SSH1: variants seen among roughly 807,000 people sequenced by gnomAD.
The protein encoded by SSH1 is slingshot protein phosphatase 1, also known as protein phosphatase Slingshot homolog 1.
In SSH1, 43 loss-of-function variants were observed where a neutral mutation model predicts 79.7. The observed-to-expected ratio is 0.54, with a 90% CI of 0.42 to 0.70. The LOEUF (loss-of-function observed/expected upper bound fraction) is 0.70, where lower values mean the gene tolerates loss of function less well. Ranked by LOEUF, SSH1 falls within the 30% of genes least tolerant of loss-of-function variation. The pLI is 0.00. For synonymous variants in SSH1, 599 were observed against 538.3 expected (o/e 1.11, Z -1.56); for missense variants, 1,206 against 1,358.8 (o/e 0.89, Z 1.77).
Position 108,789,259 on chromosome 12 carries a change from A to C in SSH1, c.1894-15T>G. On this transcript the variant is annotated splice_polypyrimidine_tract_variant and intron_variant, in intron 14 of 14. Coordinates refer to ENST00000326495, the MANE Select transcript of SSH1 (RefSeq NM_018984.4). Reference sequence around the variant, plus strand: ...ATAGCATCATCCTGCAAGGAAGGGGACAAGAGCATGGTGAGACGGTGCAGT... The same window carrying C: ...ATAGCATCATCCTGCAAGGAAGGGGCCAAGAGCATGGTGAGACGGTGCAGT... 1 of 1,583,758 alleles carries C rather than the reference A, an allele frequency of 6.3e-7. No homozygotes were observed. The highest frequency in any genetic ancestry group is 1.1e-5 in the South Asian group (1 of 87,014).
intron 2 of SSH1, among the ~76,000 whole-genome samples, chr12:108,842,731 G>A (rs1166317140): frequency 6.6e-6 from 1 of 152,204 alleles, no homozygotes; most frequent in East Asian, 1.9e-4. Flanking sequence ...ATAGGGAGGA[G>A]GAAAAGACAG....
chr12:108,845,557 T>C (rs1225344003), intron 2 of SSH1, among the ~76,000 whole-genome samples: 2 of 152,102 alleles, frequency 1.3e-5, no homozygotes, highest in African/African-American at 4.8e-5. Flanking sequence ...TGTGGTGGTA[T>C]GCGCCTGTAA....
In SSH1 at chr12:108,807,755, A is replaced by G. The variant is rs1454392297; in HGVS notation, c.609T>C (p.Ala203=). 6.2e-7 allele frequency: 1 copy of G among 1,613,454 alleles called. No homozygotes were observed. The highest frequency in any genetic ancestry group is 1.1e-5 in the South Asian group (1 of 91,054). ...RRHNYFPGGV[A]LIWATYYESC... ...TCTCATAGTAGGTAGCCCAGATGAG[A>G]GCTACACCCCCGGGGAAGTAGTTGT... The change falls in exon 8 of 15, where the codon GCT becomes GCC. Residue 203 remains alanine, a synonymous_variant. Transcript: ENST00000326495. The surrounding 1 kb of genome is among the most constrained non-coding windows in gnomAD (Gnocchi z 5.2).
intron 4 of SSH1, among the ~76,000 whole-genome samples, chr12:108,818,010 G>A (rs547007702): frequency 6.6e-6 from 1 of 152,194 alleles, no homozygotes; most frequent in South Asian, 2.1e-4. Flanking sequence ...GACCAGCCTG[G>A]GCAAAATAGC....
In SSH1 at chr12:108,781,767, G is replaced by T. The variant is rs1455547302; in HGVS notation, c.*6221C>A. The T allele has an allele frequency of 1.3e-5, 2 of 152,158 alleles. No homozygotes were observed. The allele number at this position is 152,158 out of a possible 1,614,324, so 9.4% of individuals were successfully genotyped here. A position where few individuals can be genotyped will look rare whatever the true frequency, so the allele number is the denominator to read the frequency against. ...CGCATCCAGACAGAGGAGACTGAGT[G>T]AATGTGACTCCTCCCTGACTACACA... On this transcript the variant is annotated 3_prime_UTR_variant, in exon 15 of 15. Coordinates refer to ENST00000326495, the MANE Select transcript of SSH1 (RefSeq NM_018984.4).
chr12:108,831,807 A>G (rs1158127804), intron 2 of SSH1, among the ~76,000 whole-genome samples: 2 of 152,220 alleles, frequency 1.3e-5, no homozygotes, highest in Admixed American at 1.3e-4. Context: ...TGTGCTTTAT[A>G]TATCAGTTCC....
rs1470096001 is a variant in SSH1 at position 108,783,809 on chromosome 12, A to G, written c.*4179T>C. The G allele has an allele frequency of 6.6e-6, 1 of 152,266 alleles. No homozygotes were observed. Among genetic ancestry groups the G allele is most frequent in the African/African-American group, 2.4e-5 (1 of 41,454 alleles). The allele number at this position is 152,266 out of a possible 1,614,324, so 9.4% of individuals were successfully genotyped here. A position where few individuals can be genotyped will look rare whatever the true frequency, so the allele number is the denominator to read the frequency against. ...CTGCAGAGCAGATGATAACAAAACA[A>G]GTGGCTGGGGACAGGGGTCATTCAA... is the stretch of plus-strand genomic sequence containing the variant. On this transcript the variant is annotated 3_prime_UTR_variant, in exon 15 of 15. Coordinates refer to ENST00000326495, the MANE Select transcript of SSH1 (RefSeq NM_018984.4).
intron 6 of SSH1, among the ~76,000 whole-genome samples, chr12:108,810,503 C>A (rs372136457): frequency 3.3e-4 from 50 of 152,016 alleles, no homozygotes; most frequent in African/African-American, 1.1e-3. Flanking sequence ...CCCAGGGTGA[C>A]AGAGTGAGAC....
chr12:108,809,557 TTA>T, intron 7 of SSH1, 134 bp downstream of exon 7: 1 of 774,798 alleles, frequency 1.3e-6, no homozygotes, highest in South Asian at 1.4e-5. Context: ...ATGATAAACT[TTA>T]TGTTACATGT....
In SSH1 at chr12:108,784,288, A is replaced by G. The variant is rs2036211510; in HGVS notation, c.*3700T>C. ...CAAGCTCAGCTCCACACTGCTGCAA[A>G]CTCTGGACTTCTCCAGGGGAAAAGG... is the stretch of plus-strand genomic sequence containing the variant. On this transcript the variant is annotated 3_prime_UTR_variant, in exon 15 of 15. Transcript: ENST00000326495. 1 of 152,242 alleles carries G rather than the reference A, an allele frequency of 6.6e-6. No homozygotes were observed. The allele number at this position is 152,242 out of a possible 1,614,324, so 9.4% of individuals were successfully genotyped here. A position where few individuals can be genotyped will look rare whatever the true frequency, so the allele number is the denominator to read the frequency against.
At position 108,789,194 on chromosome 12, in the gene SSH1, G is replaced by C; in HGVS notation, c.1944C>G (p.Ser648=). ...CTGTAGGGTACATGCAGTCGGCACA[G>C]GATTTATAGGAAGGCTTCACTTTGT... ...ILNKVKPSYK[S]CADCMYPTAS... The change falls in exon 15 of 15, where the codon TCC becomes TCG. Residue 648 remains serine, a synonymous_variant. Transcript: ENST00000326495. 1 of 1,607,696 alleles carries C rather than the reference G, an allele frequency of 6.2e-7. No individual in the cohort carries two copies. The highest frequency in any genetic ancestry group is 8.5e-7 in the Non-Finnish European group (1 of 1,176,888).
chr12:108,817,185 C>T, intron 4 of SSH1, 26 bp from the exon 5 acceptor site: 1 of 1,612,466 alleles, frequency 6.2e-7, no homozygotes, highest in Non-Finnish European at 8.5e-7. Context: ...CATGCTCTCA[C>T]TAACCTGCCT....
In SSH1 at chr12:108,782,590, C is replaced by A. The variant is rs1403322492; in HGVS notation, c.*5398G>T. On this transcript the variant is annotated 3_prime_UTR_variant, in exon 15 of 15. Transcript: ENST00000326495. Reference sequence around the variant, plus strand: ...AAGAACTGAGCATGTAATAGATGCTCAATAAAGACTGGCCATGTCAATGAC... The same window carrying A: ...AAGAACTGAGCATGTAATAGATGCTAAATAAAGACTGGCCATGTCAATGAC... The A allele has an allele frequency of 1.3e-5, 2 of 152,030 alleles. No homozygotes were observed. Among genetic ancestry groups the A allele is most frequent in the Admixed American group, 6.6e-5 (1 of 15,256 alleles). 9.4% of individuals were successfully genotyped at this position (152,030 alleles called of 1,614,324 possible).
intron 1 of SSH1, among the ~76,000 whole-genome samples, chr12:108,855,366 CTAACGGG>C (rs1386403982): frequency 6.6e-6 from 1 of 152,080 alleles, no homozygotes; most frequent in Non-Finnish European, 1.5e-5. Flanking sequence ...CAGGTGAGGG[CTAACGGG>C]TACAGGGTTC....
rs2036348921 is a variant in SSH1, at chr12:108,788,267, C to T, written c.2871G>A (p.Glu957=). 1.9e-6 allele frequency: 3 copies of T among 1,613,818 alleles called. No homozygotes were observed. Among genetic ancestry groups the T allele is most frequent in the Non-Finnish European group, 8.5e-7 (1 of 1,180,008 alleles). Residue 957 remains glutamate (E), a synonymous_variant, in exon 15 of 15, where the codon GAG becomes GAA. Transcript: ENST00000326495. ...KPGLVKQRTQ[E]IETRLRLAGL... is the part of the protein sequence containing the mutation. ...CCGCCAGCCGGAGCCGGGTCTCAAT[C>T]TCCTGTGTCCGCTGCTTCACCAGCC... is the stretch of plus-strand genomic sequence containing the variant.
chr12:108,833,694 C>T (rs932575078), intron 2 of SSH1: 1 of 152,256 alleles, frequency 6.6e-6, no homozygotes, highest in African/African-American at 2.4e-5. Context: ...GTATTCTCTA[C>T]CCACTCTCTG....
At chr12:108,809,784 G>A (rs977560463) in intron 6 of SSH1, 26 bp from the exon 7 acceptor site, 17 of 1,596,528 alleles carry the variant, frequency 1.1e-5, no homozygotes, top group Non-Finnish European at 1.5e-5. Flanking sequence ...AGAGAGAAAG[G>A]TATCTGTGGT....
At chr12:108,800,606 G>T (rs903058793) in intron 12 of SSH1, among the ~76,000 whole-genome samples, 174 bp downstream of exon 12, 8 of 150,032 alleles carry the variant, frequency 5.3e-5, no homozygotes, top group African/African-American at 2.0e-4. Context: ...GCGACTAAAA[G>T]CAAAGGTCCA....
intron 5 of SSH1, among the ~76,000 whole-genome samples, chr12:108,813,712 T>C (rs1482099525): frequency 6.6e-5 from 1 of 15,236 alleles, no homozygotes; most frequent in Non-Finnish European, 1.2e-4. Flanking sequence ...TGTCTCCAAA[T>C]TAAAAAAAAA....
Sources: gnomAD v4.1 joint callset for allele counts (sites outside exome capture counted in the v4.1 genomes callset) on GRCh38, gnomAD v4.1.1 for gene constraint, Gnocchi (gnomAD v3.1) non-coding constraint, MANE v1.5 for transcripts, NCBI Gene and HGNC (gene_info 2026-07-23, HGNC 2026-07-21) for gene names.